TMEM210: variants seen among roughly 807,000 people sequenced by gnomAD.
TMEM210 encodes the protein transmembrane protein 210.
TMEM210 carries 7 observed loss-of-function variants against 10.3 expected under a neutral mutation model. The ratio of observed to expected loss-of-function variants is 0.68; its 90% CI spans 0.39 to 1.28. TMEM210 has a LOEUF of 1.28. TMEM210 is among the 50% of genes most tolerant of loss of function. The pLI is 0.01. For missense variants in TMEM210, 185 were observed against 197.8 expected (o/e 0.94, Z 0.39); for synonymous variants, 79 against 81.2 (o/e 0.97, Z 0.14).
Position 137,171,980 on chromosome 9 carries a change from C to G in TMEM210, c.48G>C (p.Leu16Phe), listed in dbSNP as rs1463425865. The change falls in exon 1 of 4, where the codon TTG becomes TTC. Residue 16 changes from leucine to phenylalanine, a missense_variant. Physicochemically the swap from Leu to Phe is conservative, Grantham distance 22 (BLOSUM62 0). Transcript: ENST00000413619. ...GCAGAAGGGACAAATATGTGAGGCC[C>G]AAGGGGCCACCACGCAGGCAGGACA... ...WPVSCLRGGP[L>F]GLTYLSLLLI... 2.1e-6 allele frequency: 3 copies of G among 1,419,786 alleles called. No homozygotes were observed. Among genetic ancestry groups the G allele is most frequent in the East Asian group, 2.6e-5 (1 of 38,600 alleles). The allele number at this position is 1,419,786 out of a possible 1,614,324, so 87.9% of individuals were successfully genotyped here.
intron 2 of TMEM210, 24 bp downstream of exon 2, chr9:137,171,617 C>G (rs867410566): frequency 2.0e-6 from 3 of 1,529,806 alleles, no homozygotes; most frequent in Non-Finnish European, 2.6e-6. Context: ...CTCCCATCCT[C>G]TCCCGGCCCC....
In TMEM210 at chr9:137,171,148, C is replaced by A. The variant is rs1834099109; in HGVS notation, c.271G>T (p.Gly91Trp). The part of the protein sequence containing the change: ...QVDNRLVENF[G>W]VQEDLMDLHP... ...AGGTCCATGAGATCTTCCTGGACCC[C>A]AAAATTCTCCACCAACCTGCATGAC... Residue 91 changes from glycine to tryptophan, a missense_variant, in exon 4 of 4, where the codon GGG becomes TGG. Gly to Trp is a radical substitution (Grantham distance 184). Transcript: ENST00000413619. The A allele has an allele frequency of 6.5e-7, 1 of 1,535,024 alleles. No homozygotes were observed. The highest frequency in any genetic ancestry group is 1.4e-5 in the African/African-American group (1 of 73,098).
Position 137,172,023 on chromosome 9 carries a change from G to T in TMEM210, c.5C>A (p.Ala2Asp), listed in dbSNP as rs1486193487. Residue 2 changes from alanine (A) to aspartate (D), a missense_variant, in exon 1 of 4, where the codon GCC (alanine) becomes GAC (aspartate). By Grantham distance (126) the Ala-to-Asp change is moderately radical. Transcript: ENST00000413619. ...GCAGGACACAGGCCAGGGACCGGGG[G>T]CCATGTCCAGCCCTGGCCCCACTGC... is the stretch of plus-strand genomic sequence containing the variant. MAPGPWPVSCLR... is the reference protein window; with the variant it reads MDPGPWPVSCLR... The T allele has an allele frequency of 7.1e-6, 10 of 1,399,856 alleles. No individual in the cohort carries two copies. Among genetic ancestry groups the T allele is most frequent in the South Asian group, 1.7e-5 (1 of 60,412 alleles). 86.7% of individuals were successfully genotyped at this position (1,399,856 alleles called of 1,614,324 possible).
chr9:137,171,740 C>A lies in TMEM210; in HGVS notation c.125G>T (p.Arg42Leu), dbSNP rs772030467. ...CACAAGGAGGGCGATGAGGGCCTCG[C>A]GGCTGAGGCCAAGGCTGCATTCACA... ...TYCECSLGLS[R>L]EALIALLVVL... The change falls in exon 2 of 4, where the codon CGC becomes CTC. Residue 42 changes from arginine (R) to leucine (L), a missense_variant. By Grantham distance (102) the Arg-to-Leu change is moderately radical. Coordinates refer to ENST00000413619, the MANE Select transcript of TMEM210 (RefSeq NM_001282477.2). 3 of 1,535,210 alleles carry A rather than the reference C, an allele frequency of 2.0e-6. No individual in the cohort carries two copies. In the South Asian group the frequency reaches 3.6e-5, roughly 18 times the overall value.
intron 1 of TMEM210, 41 bp downstream of exon 1, chr9:137,171,895 GGGGA>G: frequency 7.0e-7 from 1 of 1,434,724 alleles, no homozygotes; most frequent in Non-Finnish European, 9.1e-7. Context: ...GCCTGGGGAA[GGGGA>G]GCCATGGCTG....
rs1436322010 is a variant in TMEM210 at position 137,171,976 on chromosome 9, G to A, written c.52C>T (p.Leu18Phe). ...VSCLRGGPLG[L>F]TYLSLLLIPA... ...ATGAGCAGAAGGGACAAATATGTGA[G>A]GCCCAAGGGGCCACCACGCAGGCAG... Residue 18 changes from leucine (L) to phenylalanine (F), a missense_variant, in exon 1 of 4, where the codon CTC (leucine) becomes TTC (phenylalanine). Transcript: ENST00000413619. 2.1e-6 allele frequency: 3 copies of A among 1,421,654 alleles called. No homozygotes were observed. Among genetic ancestry groups the A allele is most frequent in the East Asian group, 2.6e-5 (1 of 38,694 alleles). The allele number at this position is 1,421,654 out of a possible 1,614,324, so 88.1% of individuals were successfully genotyped here.
chr9:137,171,779 G>A lies in TMEM210; in HGVS notation c.89-3C>T. The A allele has an allele frequency of 6.5e-7, 1 of 1,527,492 alleles. No individual in the cohort carries two copies. The highest frequency in any genetic ancestry group is 8.8e-7 in the Non-Finnish European group (1 of 1,141,898). 94.6% of individuals were successfully genotyped at this position (1,527,492 alleles called of 1,614,324 possible). On this transcript the variant is annotated splice_region_variant and splice_polypyrimidine_tract_variant and intron_variant, in intron 1 of 3. Transcript: ENST00000413619. ...GCTGCATTCACAGTAGGTTCCAGCTGCAGAGACAGGGCCACATGGCCATGG... is the reference window on the plus strand; with the variant it reads ...GCTGCATTCACAGTAGGTTCCAGCTACAGAGACAGGGCCACATGGCCATGG...
chr9:137,171,371 C>T (rs977191641), intron 3 of TMEM210, 43 bp downstream of exon 3: 2 of 1,535,298 alleles, frequency 1.3e-6, no homozygotes, highest in Non-Finnish European at 1.7e-6. Context: ...AAGGGCCTCC[C>T]CTGAGACAGC....
chr9:137,171,876 T>C, intron 1 of TMEM210, 64 bp downstream of exon 1: 1 of 1,434,342 alleles, frequency 7.0e-7, no homozygotes, highest in Non-Finnish European at 9.1e-7. Context: ...ACACCAGAGC[T>C]CCCACCTTGC....
At position 137,171,634 on chromosome 9, in the gene TMEM210, C is replaced by G. The variant is rs1834109706; in HGVS notation, c.224+7G>C. The G allele has an allele frequency of 6.5e-7, 1 of 1,532,844 alleles. No homozygotes were observed. Among genetic ancestry groups the G allele is most frequent in the South Asian group, 1.2e-5 (1 of 83,722 alleles). 95.0% of individuals were successfully genotyped at this position (1,532,844 alleles called of 1,614,324 possible). ...CCCATCCTCTCCCGGCCCCAGGGTT[C>G]ACGCACCCCTTGGCCCGCAAGACAC... On this transcript the variant is annotated splice_region_variant and intron_variant, in intron 2 of 3. Transcript: ENST00000413619.
In TMEM210 at chr9:137,171,669, C is replaced by G; in HGVS notation, c.196G>C (p.Val66Leu). The change falls in exon 2 of 4, where the codon GTG (valine) becomes CTG (leucine). Residue 66 changes from valine to leucine, a missense_variant. Val to Leu is a conservative substitution (Grantham distance 32, BLOSUM62 1). Transcript: ENST00000413619. ...TTGGCCCGCAAGACACCAATTGCCA[C>G]GATGACGAGGGCACAGAAGCAGCTG... ...SASCFCALVI[V>L]AIGVLRAKGE... is the part of the protein sequence containing the mutation. 1 of 1,535,318 alleles carries G rather than the reference C, an allele frequency of 6.5e-7. No homozygotes were observed. The highest frequency in any genetic ancestry group is 8.7e-7 in the Non-Finnish European group (1 of 1,146,438).
chr9:137,171,013 C>T lies in TMEM210; in HGVS notation c.406G>A (p.Glu136Lys), dbSNP rs999430371. 1.3e-6 allele frequency: 2 copies of T among 1,535,026 alleles called. No homozygotes were observed. Among genetic ancestry groups the T allele is most frequent in the Non-Finnish European group, 1.7e-6 (2 of 1,146,436 alleles). Residue 136 changes from glutamate (E) to lysine (K), a missense_variant, in exon 4 of 4, where the codon GAG (glutamate) becomes AAG (lysine). Transcript: ENST00000413619. ...AGGGGCGGGGGTGGTGGCGGCTCCT[C>T]TGAAGAAGCCTCCATGGGGATGGCC... ...LVAIPMEASSEEPPPPPPLPP... is the reference protein window; with the variant it reads ...LVAIPMEASSKEPPPPPPLPP...
chr9:137,171,613 T>A (rs1189604491), intron 2 of TMEM210, 28 bp downstream of exon 2: 1 of 1,528,878 alleles, frequency 6.5e-7, no homozygotes, highest in African/African-American at 1.4e-5. Context: ...CTCACTCCCA[T>A]CCTCTCCCGG....
Position 137,171,076 on chromosome 9 carries a change from C to G in TMEM210, c.343G>C (p.Val115Leu), listed in dbSNP as rs1439090003. The change falls in exon 4 of 4, where the codon GTC becomes CTC. Residue 115 changes from valine (V) to leucine (L), a missense_variant. By Grantham distance (32) the Val-to-Leu change is conservative. Transcript: ENST00000413619. ...ESQLMDADLE[V>L]SLVPPLEDQS... The stretch of plus-strand genomic sequence containing the variant: ...TCCTCTAGTGGTGGCACCAGGGAGA[C>G]CTCCAGGTCAGCGTCCATTAGCTGG... The G allele has an allele frequency of 6.5e-7, 1 of 1,535,266 alleles. No homozygotes were observed. Among genetic ancestry groups the G allele is most frequent in the Non-Finnish European group, 8.7e-7 (1 of 1,146,536 alleles).
At position 137,172,014 on chromosome 9, in the gene TMEM210, G is replaced by A. The variant is rs1165823492; in HGVS notation, c.14C>T (p.Pro5Leu). Residue 5 changes from proline to leucine, a missense_variant, in exon 1 of 4, where the codon CCC becomes CTC. Physicochemically the swap from Pro to Leu is moderately conservative, Grantham distance 98. Transcript: ENST00000413619. MAPG[P>L]WPVSCLRGGP... ...ACCACGCAGGCAGGACACAGGCCAG[G>A]GACCGGGGGCCATGTCCAGCCCTGG... The A allele has an allele frequency of 2.1e-6, 3 of 1,405,338 alleles. No individual in the cohort carries two copies. In the South Asian group the frequency reaches 4.9e-5, roughly 23 times the overall value. The allele number at this position is 1,405,338 out of a possible 1,614,324, so 87.1% of individuals were successfully genotyped here. A position where few individuals can be genotyped will look rare whatever the true frequency, so the allele number is the denominator to read the frequency against.
rs1303415257 is a variant in TMEM210 at position 137,171,699 on chromosome 9, T to C, written c.166A>G (p.Ser56Gly). The change falls in exon 2 of 4, where the codon AGT (serine) becomes GGT (glycine). Residue 56 changes from serine (S) to glycine (G), a missense_variant. Transcript: ENST00000413619. Reference protein sequence around the residue: ...IALLVVLAGISASCFCALVIV... With the variant: ...IALLVVLAGIGASCFCALVIV... ...ACGAGGGCACAGAAGCAGCTGGCAC[T>C]GATGCCCGCCAGCACCACAAGGAGG... 1 of 1,535,538 alleles carries C rather than the reference T, an allele frequency of 6.5e-7. No homozygotes were observed. Among genetic ancestry groups the C allele is most frequent in the Non-Finnish European group, 8.7e-7 (1 of 1,146,596 alleles).
chr9:137,171,544 C>T (rs1490593513), intron 2 of TMEM210, 97 bp downstream of exon 2: 111 of 1,533,150 alleles, frequency 7.2e-5, no homozygotes, highest in Non-Finnish European at 9.5e-5. Context: ...CAGGTGACAG[C>T]CCACCCAGGG....
Position 137,171,662 on chromosome 9 carries a change from AT to A in TMEM210, c.202del (p.Ile68LeufsTer41), listed in dbSNP as rs1564372190. 2 of 1,535,196 alleles carry A rather than the reference AT, an allele frequency of 1.3e-6. No individual in the cohort carries two copies. Among genetic ancestry groups the A allele is most frequent in the South Asian group, 2.4e-5 (2 of 83,976 alleles). ...GCACCCCTTGGCCCGCAAGACACCA[AT>A]TGCCACGATGACGAGGGCACAGAAG... ...SCFCALVIVA[I>X]GVLRAKGETC... On this transcript the variant is annotated frameshift_variant, in exon 2 of 4. Coordinates refer to ENST00000413619, the MANE Select transcript of TMEM210 (RefSeq NM_001282477.2). LOFTEE classifies it high-confidence loss of function.
At position 137,170,924 on chromosome 9, in the gene TMEM210, C is replaced by A; in HGVS notation, c.*51G>T. 6.7e-7 allele frequency: 1 copy of A among 1,502,282 alleles called. No homozygotes were observed. The highest frequency in any genetic ancestry group is 2.0e-5 in the Admixed American group (1 of 48,784). 93.1% of individuals were successfully genotyped at this position (1,502,282 alleles called of 1,614,324 possible). A position where few individuals can be genotyped will look rare whatever the true frequency, so the allele number is the denominator to read the frequency against. On this transcript the variant is annotated 3_prime_UTR_variant, in exon 4 of 4. Transcript: ENST00000413619. ...AGGAGGGCCTGCAGGGAGGACAGTG[C>A]ACAGCCACTAAATACGCTTTAATTC... is the stretch of plus-strand genomic sequence containing the variant.
Sources: allele counts gnomAD v4.1 joint callset, GRCh38; gene constraint gnomAD v4.1.1; transcripts MANE v1.5; gene names NCBI Gene and HGNC (gene_info 2026-07-23, HGNC 2026-07-21).